Variants in TIAM2 observed in about 807,000 individuals in gnomAD.
TIAM2 encodes TIAM Rac1 associated GEF 2, also known as rho guanine nucleotide exchange factor TIAM2.
Under a neutral mutation model 152.9 loss-of-function variants are expected in TIAM2, and 80 were observed. That is an observed-to-expected ratio of 0.52 (90% CI 0.44 to 0.63). The LOEUF (loss-of-function observed/expected upper bound fraction) is 0.63, where lower values mean the gene tolerates loss of function less well. Among genes scored for constraint, TIAM2 ranks in the 30% least tolerant of loss-of-function variants. TIAM2 has a pLI of 0.00. For missense variants in TIAM2, 1,965 were observed against 2,120.1 expected, an observed-to-expected ratio of 0.93 and a Z score of 1.44; for synonymous variants, 804 against 838.0, an observed-to-expected ratio of 0.96 and a Z score of 0.70.
chr6:155,198,039 C>T (rs975650386), intron 14 of TIAM2, among the ~76,000 whole-genome samples: 1 of 152,178 alleles, frequency 6.6e-6, no homozygotes, highest in Non-Finnish European at 1.5e-5. Context: ...AGTAGAAGTT[C>T]ACAGAACCTG....
At chr6:155,205,494 G>A (rs2115198363) in intron 14 of TIAM2, among the ~76,000 whole-genome samples, 1 of 152,272 alleles carries the variant, frequency 6.6e-6, no homozygotes. Flanking sequence ...CTTACAATCA[G>A]GAGCTGCCTG....
At position 155,254,590 on chromosome 6, in the gene TIAM2, C is replaced by T. The variant is rs1783884024; in HGVS notation, c.4468+17C>T. The T allele has an allele frequency of 6.2e-7, 1 of 1,604,938 alleles. No homozygotes were observed. Among genetic ancestry groups the T allele is most frequent in the Non-Finnish European group, 8.5e-7 (1 of 1,172,158 alleles). ...CCAAATTAGGTGAGAATTTTGCTAG[C>T]CTTGTGTTTATTCAACAAAATATTA... On this transcript the variant is annotated intron_variant, in intron 26 of 26. Coordinates refer to ENST00000682666, the MANE Select transcript of TIAM2 (RefSeq NM_012454.4).
chr6:155,239,695 TC>T (rs1307873481), intron 15 of TIAM2, among the ~76,000 whole-genome samples: 1 of 152,178 alleles, frequency 6.6e-6, no homozygotes, highest in African/African-American at 2.4e-5. Context: ...GTGATTCCTT[TC>T]CCATGACTGG....
intron 1 of TIAM2, among the ~76,000 whole-genome samples, chr6:155,034,256 T>TTG (rs10640763): frequency 0.057 from 8,716 of 152,140 alleles, 812 homozygotes; most frequent in African/African-American, 0.2. Flanking sequence ...GTTTTTTTGT[T>TTG]TTTGTTTTGT....
rs143619717 is a variant in TIAM2, at chr6:155,257,333, C to CTT, written c.*213_*214dup. On this transcript the variant is annotated 3_prime_UTR_variant, in exon 27 of 27. Coordinates refer to ENST00000682666, the MANE Select transcript of TIAM2 (RefSeq NM_012454.4). ...GAAACTGGTCAGAATCTGTAAATTA[C>CTT]TTAGTTTATATCCACTTTGAGCAGG... The CTT allele has an allele frequency of 1.2e-3, 690 of 576,050 alleles. 8 individuals carry two copies. In the East Asian group the frequency reaches 0.021, roughly 17 times the overall value. The allele number at this position is 576,050 out of a possible 1,614,324, so 35.7% of individuals were successfully genotyped here.
chr6:155,254,562 C>T lies in TIAM2; in HGVS notation c.4457C>T (p.Ser1486Leu), dbSNP rs766878832. The T allele has an allele frequency of 1.6e-5, 26 of 1,610,814 alleles. No homozygotes were observed. Among genetic ancestry groups the T allele is most frequent in the African/African-American group, 5.3e-5 (4 of 74,870 alleles). The change falls in exon 26 of 27, where the codon TCG becomes TTG. Residue 1486 changes from serine (S) to leucine (L), a missense_variant. Ser to Leu is a moderately radical substitution (Grantham distance 145). Coordinates refer to ENST00000682666, the MANE Select transcript of TIAM2 (RefSeq NM_012454.4). ...CCTCTTAAGAACCGAGTTCCTGTTT[C>T]GGCCAAATTAGGTGAGAATTTTGCT... is the stretch of plus-strand genomic sequence containing the variant. ...LVPLKNRVPVSAKLASSRSLK... is the reference protein window; with the variant it reads ...LVPLKNRVPVLAKLASSRSLK...
Position 155,254,043 on chromosome 6 carries a change from C to T in TIAM2, c.4296C>T (p.Ile1432=), listed in dbSNP as rs746128037. 9 of 1,614,080 alleles carry T rather than the reference C, an allele frequency of 5.6e-6. No individual in the cohort carries two copies. Among genetic ancestry groups the T allele is most frequent in the South Asian group, 5.5e-5 (5 of 91,068 alleles). Residue 1432 remains isoleucine, a synonymous_variant, in exon 25 of 27, where the codon ATC becomes ATT. Coordinates refer to ENST00000682666, the MANE Select transcript of TIAM2 (RefSeq NM_012454.4). The part of the protein sequence containing the change: ...KSEIEGRPET[I]FQLCCSDSES... ...AAATAGAAGGACGGCCAGAAACCATCTTTCAGTTGTGTTGCAGGTATGACT... is the reference window on the plus strand; with the variant it reads ...AAATAGAAGGACGGCCAGAAACCATTTTTCAGTTGTGTTGCAGGTATGACT...
intron 7 of TIAM2, among the ~76,000 whole-genome samples, chr6:155,152,005 C>A (rs1030508395): frequency 6.6e-6 from 1 of 151,876 alleles, no homozygotes; most frequent in East Asian, 1.9e-4. Flanking sequence ...CCACCACGCC[C>A]GGCTAATTTT....
In TIAM2 at chr6:155,006,384, C is replaced by A. The variant is rs78542422; in HGVS notation, c.-209+10892C>A. ...GCACTTTTTTTTTTCAAATCGGAGT[C>A]TCGATCGGGCATGGTGGCTCATGCC... On this transcript the variant is annotated intron_variant, in intron 1 of 26. Coordinates refer to ENST00000682666, the MANE Select transcript of TIAM2 (RefSeq NM_012454.4). Among the ~76,000 whole-genome samples, 600 of 151,772 alleles carry A rather than the reference C, an allele frequency of 4.0e-3. 3 individuals are homozygous for A. The highest frequency in any genetic ancestry group is 6.2e-3 in the Non-Finnish European group (419 of 67,944).
intron 2 of TIAM2, among the ~76,000 whole-genome samples, chr6:155,114,663 T>G (rs1339990817): frequency 6.6e-6 from 1 of 152,124 alleles, no homozygotes; most frequent in Non-Finnish European, 1.5e-5. Context: ...CTTGGGTAAC[T>G]TAGAAGTTTA....
intron 2 of TIAM2, among the ~76,000 whole-genome samples, chr6:155,098,188 CT>C (rs34934323): frequency 1.3e-5 from 2 of 151,898 alleles, no homozygotes; most frequent in African/African-American, 2.4e-5. Flanking sequence ...TTTAGAACAC[CT>C]TTTTTTTCCT....
intron 15 of TIAM2, among the ~76,000 whole-genome samples, chr6:155,230,513 C>T (rs1349009320): frequency 7.2e-6 from 1 of 139,200 alleles, no homozygotes; most frequent in Non-Finnish European, 1.5e-5. Flanking sequence ...TTGCTTAAAG[C>T]TTGTCTTCCC....
intron 1 of TIAM2, among the ~76,000 whole-genome samples, chr6:155,023,060 T>C (rs1319443755): frequency 7.2e-5 from 3 of 41,944 alleles, no homozygotes; most frequent in African/African-American, 1.8e-4. Flanking sequence ...TTTTTTTTTT[T>C]CCCTTGGCAA....
intron 15 of TIAM2, among the ~76,000 whole-genome samples, chr6:155,239,716 T>C (rs1234787459): frequency 6.6e-6 from 1 of 152,156 alleles, no homozygotes; most frequent in Non-Finnish European, 1.5e-5. Flanking sequence ...GGAGCGAGTA[T>C]TTCCTCTGAG....
chr6:155,108,144 A>G (rs951461679), intron 2 of TIAM2, among the ~76,000 whole-genome samples: 1 of 152,196 alleles, frequency 6.6e-6, no homozygotes, highest in Non-Finnish European at 1.5e-5. Flanking sequence ...TACTTTCAGC[A>G]TTATGAGGTT....
At chr6:154,998,849 C>G (rs946594925) in intron 1 of TIAM2, among the ~76,000 whole-genome samples, 5 of 152,092 alleles carry the variant, frequency 3.3e-5, no homozygotes, top group African/African-American at 1.2e-4. Context: ...TATTCAAGTA[C>G]CTATAAGAAC....
intron 15 of TIAM2, among the ~76,000 whole-genome samples, chr6:155,219,005 T>A (rs1174458884): frequency 1.2e-4 from 5 of 40,138 alleles, no homozygotes; most frequent in South Asian, 8.2e-4. Flanking sequence ...TCAGCCGTGT[T>A]CTTGACCATC....
intron 2 of TIAM2, among the ~76,000 whole-genome samples, chr6:155,098,519 T>C (rs1341774116): frequency 6.6e-6 from 1 of 152,228 alleles, no homozygotes. Context: ...ATTTTGTATG[T>C]TTATTTTGTA....
intron 10 of TIAM2, 30 bp from the exon 11 acceptor site, chr6:155,179,009 A>C: frequency 6.5e-7 from 1 of 1,538,206 alleles, no homozygotes; most frequent in Non-Finnish European, 8.9e-7. Flanking sequence ...AGAGCATTTA[A>C]AATCTGAATA....
Sources: allele counts gnomAD v4.1 joint callset (sites outside exome capture counted in the v4.1 genomes callset), GRCh38; gene constraint gnomAD v4.1.1; transcripts MANE v1.5; gene names NCBI Gene and HGNC (gene_info 2026-07-23, HGNC 2026-07-21).